The following CHST11 variants were observed in gnomAD, a reference collection of about 807,000 sequenced individuals.
The protein encoded by CHST11 is C4S-1.
In CHST11, 9 loss-of-function variants were observed where a neutral mutation model predicts 30.4. The ratio of observed to expected loss-of-function variants is 0.30; its 90% CI spans 0.18 to 0.52. The LOEUF (loss-of-function observed/expected upper bound fraction) is 0.52. CHST11 is among the 20% of genes least tolerant of loss of function. The pLI is 0.97. For synonymous variants in CHST11, 152 were observed against 187.8 expected, an observed-to-expected ratio of 0.81 and a Z score of 1.56; for missense variants, 348 against 460.6, an observed-to-expected ratio of 0.76 and a Z score of 2.24.
chr12:104,566,127 C>G (rs1286784307), intron 1 of CHST11, among the ~76,000 whole-genome samples: 1 of 152,220 alleles, frequency 6.6e-6, no homozygotes, highest in Non-Finnish European at 1.5e-5. Flanking sequence ...GGAAGCCATT[C>G]TCTGGCCGTG....
chr12:104,643,124 G>C (rs1212711949), intron 2 of CHST11, among the ~76,000 whole-genome samples: 1 of 152,096 alleles, frequency 6.6e-6, no homozygotes, highest in East Asian at 1.9e-4. Flanking sequence ...GGGAGTTCAA[G>C]ACTAGCCTGG....
At chr12:104,720,391 G>A (rs754755545) in intron 2 of CHST11, among the ~76,000 whole-genome samples, 1 of 152,240 alleles carries the variant, frequency 6.6e-6, no homozygotes, top group Admixed American at 6.5e-5. Context: ...TGGCGTCCAA[G>A]GCGTTTGGTG....
intron 1 of CHST11, among the ~76,000 whole-genome samples, chr12:104,555,971 G>A (rs1229144167): frequency 1.3e-5 from 2 of 152,214 alleles, no homozygotes; most frequent in Admixed American, 1.3e-4. Context: ...CCATCAGGTG[G>A]TGGGAGGGGC....
intron 2 of CHST11, among the ~76,000 whole-genome samples, chr12:104,661,385 T>TCTA (rs547139030): frequency 4.2e-4 from 64 of 152,006 alleles, no homozygotes; most frequent in East Asian, 2.7e-3. Flanking sequence ...ATACCCCATC[T>TCTA]CTACTACTAC....
rs2040487498 is a variant in CHST11, at chr12:104,757,381, G to A, written c.637G>A (p.Gly213Ser). ...CAACATCTCCTTCCACAAGCGGTACGGCACCAAGATCATCAAACGCCAGCG... is the reference window on the plus strand; with the variant it reads ...CAACATCTCCTTCCACAAGCGGTACAGCACCAAGATCATCAAACGCCAGCG... ...KYNISFHKRY[G>S]TKIIKRQRKN... Residue 213 changes from glycine (G) to serine (S), a missense_variant, in exon 3 of 3, where the codon GGC (glycine) becomes AGC (serine). Transcript: ENST00000303694. The surrounding 1 kb of genome is among the most constrained non-coding windows in gnomAD (Gnocchi z 6.5). 3.7e-6 allele frequency: 6 copies of A among 1,614,092 alleles called. No individual in the cohort carries two copies. The highest frequency in any genetic ancestry group is 5.1e-6 in the Non-Finnish European group (6 of 1,180,026).
intron 2 of CHST11, among the ~76,000 whole-genome samples, chr12:104,658,866 A>G (rs1279887420): frequency 2.0e-5 from 3 of 152,234 alleles, no homozygotes; most frequent in Non-Finnish European, 4.4e-5. Context: ...TTCTCATTGT[A>G]TAAACAAGGG....
chr12:104,571,751 G>A (rs139666568), intron 1 of CHST11, among the ~76,000 whole-genome samples: 31 of 152,290 alleles, frequency 2.0e-4, no homozygotes, highest in East Asian at 1.5e-3. Flanking sequence ...AGAAAAAGGA[G>A]CTATTAGGAG....
chr12:104,544,769 T>TCCCCCCCC (rs199741884), intron 1 of CHST11, among the ~76,000 whole-genome samples: 2 of 51,454 alleles, frequency 3.9e-5, no homozygotes, highest in African/African-American at 5.3e-5. Flanking sequence ...GGGGTCACAG[T>TCCCCCCCC]CCCCCCACCC....
intron 2 of CHST11, among the ~76,000 whole-genome samples, chr12:104,683,457 C>T (rs2039816938): frequency 6.6e-6 from 1 of 152,152 alleles, no homozygotes; most frequent in African/African-American, 2.4e-5. Flanking sequence ...GGTTTCAGAC[C>T]TCTAAAGGTC....
chr12:104,682,948 T>C (rs1475937825), intron 2 of CHST11, among the ~76,000 whole-genome samples: 22 of 152,212 alleles, frequency 1.4e-4, no homozygotes, highest in Admixed American at 1.4e-3. Flanking sequence ...GTCCTTCTTC[T>C]CCAGACTTGT....
chr12:104,745,273 G>C (rs1028787138), intron 2 of CHST11, among the ~76,000 whole-genome samples: 1 of 152,086 alleles, frequency 6.6e-6, no homozygotes, highest in East Asian at 1.9e-4. Context: ...CCTATTTCTG[G>C]GTTCTCTATT....
intron 1 of CHST11, among the ~76,000 whole-genome samples, chr12:104,491,491 G>A (rs2037746040): frequency 1.3e-5 from 2 of 150,860 alleles, no homozygotes; most frequent in African/African-American, 4.9e-5. Context: ...TTAGTATTAT[G>A]GGGATCTGTT....
intron 2 of CHST11, among the ~76,000 whole-genome samples, chr12:104,680,454 G>A (rs1468983129): frequency 1.3e-5 from 2 of 152,204 alleles, no homozygotes; most frequent in Non-Finnish European, 2.9e-5. Flanking sequence ...GGCCAGGCAG[G>A]CACACAGGGG....
At chr12:104,490,261 C>T (rs1260928931) in intron 1 of CHST11, among the ~76,000 whole-genome samples, 1 of 152,180 alleles carries the variant, frequency 6.6e-6, no homozygotes, top group African/African-American at 2.4e-5. Flanking sequence ...ATTCGTTATA[C>T]TAACTTTCCC....
At chr12:104,608,091 A>G (rs2039024380) in intron 2 of CHST11, among the ~76,000 whole-genome samples, 1 of 152,082 alleles carries the variant, frequency 6.6e-6, no homozygotes, top group South Asian at 2.1e-4. Flanking sequence ...GGTCTGGGTT[A>G]GGGCTGGGGT....
intron 1 of CHST11, among the ~76,000 whole-genome samples, chr12:104,579,282 T>A (rs1054263735): frequency 6.6e-5 from 10 of 152,188 alleles, no homozygotes; most frequent in Admixed American, 1.3e-4. Flanking sequence ...GTAGAGGGAA[T>A]AAGACTAGAC....
chr12:104,715,116 G>A (rs1001380213), intron 2 of CHST11, among the ~76,000 whole-genome samples: 8 of 152,214 alleles, frequency 5.3e-5, no homozygotes, highest in African/African-American at 1.4e-4. Context: ...TGTAATCCCA[G>A]CACTTTGGGA....
At chr12:104,709,720 T>C (rs1486341798) in intron 2 of CHST11, among the ~76,000 whole-genome samples, 2 of 151,988 alleles carry the variant, frequency 1.3e-5, no homozygotes, top group African/African-American at 4.8e-5. Flanking sequence ...GGCAAATCCG[T>C]GGAGACAGAG....
At chr12:104,580,142 C>G (rs1013403209) in intron 1 of CHST11, among the ~76,000 whole-genome samples, 1 of 152,192 alleles carries the variant, frequency 6.6e-6, no homozygotes, top group Non-Finnish European at 1.5e-5. Flanking sequence ...TGAAGCCAGA[C>G]ATCATTTGTG....
Sources: gnomAD v4.1 joint callset for allele counts (sites outside exome capture counted in the v4.1 genomes callset) on GRCh38, gnomAD v4.1.1 for gene constraint, Gnocchi (gnomAD v3.1) non-coding constraint, MANE v1.5 for transcripts, NCBI Gene and HGNC (gene_info 2026-07-23, HGNC 2026-07-21) for gene names.